CXCL12: variants seen among roughly 807,000 people sequenced by gnomAD.
CXCL12 encodes the protein stromal cell-derived factor 1.
Under a neutral mutation model 10.7 loss-of-function variants are expected in CXCL12, and 4 were observed. The observed-to-expected ratio is 0.37, with a 90% CI of 0.18 to 0.86. The LOEUF (loss-of-function observed/expected upper bound fraction) is 0.86, where lower values mean the gene tolerates loss of function less well. Among genes scored for constraint, CXCL12 ranks in the 40% least tolerant of loss-of-function variants. The pLI, the probability that CXCL12 is intolerant of heterozygous loss-of-function variation, is 0.43. For synonymous variants in CXCL12, 54 were observed against 45.4 expected (o/e 1.19, Z -0.77); for missense variants, 122 against 110.4 (o/e 1.10, Z -0.47).
chr10:44,376,112 G>T, downstream of CXCL12: 1 of 1,485,042 alleles, frequency 6.7e-7, no homozygotes, highest in Non-Finnish European at 9.3e-7. Flanking sequence ...TTTAACACTG[G>T]CCCGTGTACT....
downstream of CXCL12, chr10:44,373,386 C>A: frequency 6.4e-7 from 1 of 1,558,326 alleles, no homozygotes; most frequent in South Asian, 1.1e-5. Flanking sequence ...GGCAGGTTCC[C>A]CCCACACCCA....
chr10:44,377,942 C>T lies in CXCL12; in HGVS notation c.*691G>A, dbSNP rs1406187882. ...AGAAGCAGAAGCAAGATTAAGCATG[C>T]TCTCGGAGTCGGGGAGAGAGTAGGA... is the stretch of plus-strand genomic sequence containing the variant. On this transcript the variant is annotated 3_prime_UTR_variant, in exon 3 of 3. Coordinates refer to ENST00000343575, the MANE Select transcript of CXCL12 (RefSeq NM_199168.4). The T allele has an allele frequency of 6.5e-7, 1 of 1,534,092 alleles. No homozygotes were observed. Among genetic ancestry groups the T allele is most frequent in the Non-Finnish European group, 8.7e-7 (1 of 1,148,226 alleles).
downstream of CXCL12, among the ~76,000 whole-genome samples, chr10:44,374,077 T>TA (rs1209940478): frequency 6.6e-6 from 1 of 152,160 alleles, no homozygotes; most frequent in Non-Finnish European, 1.5e-5. Flanking sequence ...CCAGGGCACA[T>TA]ACAGTCACAT....
At position 44,377,277 on chromosome 10, in the gene CXCL12, C is replaced by A. The variant is rs1414375310; in HGVS notation, c.*1356G>T. The A allele has an allele frequency of 1.4e-5, 14 of 997,346 alleles. No homozygotes were observed. The highest frequency in any genetic ancestry group is 1.7e-5 in the African/African-American group (1 of 57,210). 61.8% of individuals were successfully genotyped at this position (997,346 alleles called of 1,614,324 possible). On this transcript the variant is annotated 3_prime_UTR_variant, in exon 3 of 3. Coordinates refer to ENST00000343575, the MANE Select transcript of CXCL12 (RefSeq NM_199168.4). ...ATCATATATATTTCTTTACAAATTG[C>A]CAGTAGTTTGAGATAATAGAGAAGT...
At chr10:44,374,607 TC>T, downstream of CXCL12, 1 of 455,836 alleles carries the variant, frequency 2.2e-6, no homozygotes, top group Non-Finnish European at 4.4e-6. Context: ...CTAGGACACC[TC>T]CCCAACGAGG....
Position 44,377,309 on chromosome 10 carries a change from TA to T in CXCL12, c.*1323del. ...TTTGAGATAATAGAGAAGTATAAAC[TA>T]CTGACATTCATATGGCTCCACTTCA... is the stretch of plus-strand genomic sequence containing the variant. On this transcript the variant is annotated 3_prime_UTR_variant, in exon 3 of 3. Coordinates refer to ENST00000343575, the MANE Select transcript of CXCL12 (RefSeq NM_199168.4). 9.8e-7 allele frequency: 1 copy of T among 1,024,526 alleles called. No individual in the cohort carries two copies. The highest frequency in any genetic ancestry group is 1.2e-6 in the Non-Finnish European group (1 of 853,532). The allele number at this position is 1,024,526 out of a possible 1,614,324, so 63.5% of individuals were successfully genotyped here.
intron 1 of CXCL12, among the ~76,000 whole-genome samples, chr10:44,383,309 C>T (rs528819226): frequency 6.6e-6 from 1 of 152,178 alleles, no homozygotes; most frequent in Non-Finnish European, 1.5e-5. Flanking sequence ...GGTTACTTGG[C>T]TGCCAATGGG....
At chr10:44,375,330 G>T (rs1391957805), downstream of CXCL12, among the ~76,000 whole-genome samples, 4 of 152,246 alleles carry the variant, frequency 2.6e-5, no homozygotes, top group Admixed American at 2.0e-4. Context: ...GGAAGGAGGG[G>T]CTGAAGAAGC....
At chr10:44,378,892 G>A (rs17881772) in intron 2 of CXCL12, among the ~76,000 whole-genome samples, 169 bp from the exon 3 acceptor site, 374 of 152,330 alleles carry the variant, frequency 2.5e-3, no homozygotes, top group Admixed American at 5.9e-3. Context: ...AAAGCTCAGC[G>A]CTGGCAGTGC....
downstream of CXCL12, chr10:44,375,925 G>A (rs200635480): frequency 2.6e-5 from 42 of 1,611,156 alleles, no homozygotes; most frequent in Middle Eastern, 2.2e-4. Context: ...GGTCCATCTC[G>A]AGGTGGCAGA....
At chr10:44,370,845 G>A (rs528470654) in exon 4 of CXCL12, 6 of 152,520 alleles carry the variant, frequency 3.9e-5, no homozygotes, top group African/African-American at 1.4e-4. Flanking sequence ...TGGACAGAGG[G>A]GGACACACCA....
chr10:44,373,876 G>C (rs930374603), downstream of CXCL12, among the ~76,000 whole-genome samples: 1 of 152,204 alleles, frequency 6.6e-6, no homozygotes, highest in African/African-American at 2.4e-5. Flanking sequence ...CAGGAGGAAC[G>C]CATGCTGGAC....
downstream of CXCL12, chr10:44,372,858 A>C (rs1290031943): frequency 2.0e-6 from 3 of 1,527,230 alleles, no homozygotes; most frequent in Admixed American, 2.0e-5. Context: ...GTGGCCCTCC[A>C]CCATCCCATC....
chr10:44,385,035 G>C lies in CXCL12; in HGVS notation c.-30C>G, dbSNP rs899226039. The C allele has an allele frequency of 7.0e-6, 10 of 1,435,504 alleles. No individual in the cohort carries two copies. The highest frequency in any genetic ancestry group is 2.6e-5 in the South Asian group (2 of 77,056). 88.9% of individuals were successfully genotyped at this position (1,435,504 alleles called of 1,614,324 possible). On this transcript the variant is annotated 5_prime_UTR_variant, in exon 1 of 3. Transcript: ENST00000343575. ...CGGGCGGGCGGGCGGGCGGGCGGAC[G>C]AGCGCGGGTCGGGGGCCGGACGCCG...
Position 44,377,630 on chromosome 10 carries a change from A to G in CXCL12, c.*1003T>C. ...AACCTCAGAGTTTGTTAGTGCCTCC[A>G]TGGCATACATAGGCTTCAGAGGCAA... On this transcript the variant is annotated 3_prime_UTR_variant, in exon 3 of 3. Transcript: ENST00000343575. 14 of 1,535,000 alleles carry G rather than the reference A, an allele frequency of 9.1e-6. No homozygotes were observed. Among genetic ancestry groups the G allele is most frequent in the Middle Eastern group, 2.0e-4 (1 of 5,128 alleles).
At chr10:44,374,919 T>C (rs1302519441), downstream of CXCL12, among the ~76,000 whole-genome samples, 1 of 152,116 alleles carries the variant, frequency 6.6e-6, no homozygotes, top group Non-Finnish European at 1.5e-5. Context: ...TTAGAGAAAC[T>C]TGCCAAAAAA....
intron 1 of CXCL12, 27 bp downstream of exon 1, chr10:44,384,918 C>A: frequency 6.5e-7 from 1 of 1,527,340 alleles, no homozygotes. Context: ...AGAGCCTCGC[C>A]AGGGCCTCCC....
At chr10:44,371,907 T>C (rs1008508949), downstream of CXCL12, 4 of 152,370 alleles carry the variant, frequency 2.6e-5, no homozygotes, top group African/African-American at 7.2e-5. Flanking sequence ...TTAATACAGC[T>C]CTATCGACTG....
Position 44,385,068 on chromosome 10 carries a change from A to C in CXCL12, c.-63T>G. ...GTCGGGGGCCGGACGCCGAGCGGGC[A>C]ATGCGGCTGACGGAGAGTGAAAGTG... On this transcript the variant is annotated 5_prime_UTR_variant, in exon 1 of 3. In the 5' UTR this introduces an upstream ATG that the reference lacks. Coordinates refer to ENST00000343575, the MANE Select transcript of CXCL12 (RefSeq NM_199168.4). The C allele has an allele frequency of 7.9e-7, 1 of 1,264,464 alleles. No homozygotes were observed. Among genetic ancestry groups the C allele is most frequent in the Non-Finnish European group, 1.1e-6 (1 of 948,032 alleles). 78.3% of individuals were successfully genotyped at this position (1,264,464 alleles called of 1,614,324 possible).
Sources: gnomAD v4.1 joint callset for allele counts (sites outside exome capture counted in the v4.1 genomes callset) on GRCh38, gnomAD v4.1.1 for gene constraint, MANE v1.5 for transcripts, NCBI Gene and HGNC (gene_info 2026-07-23, HGNC 2026-07-21) for gene names.